OTUD7A: variants seen among roughly 807,000 people sequenced by gnomAD.
The protein encoded by OTUD7A is OTU domain-containing protein 7A.
A neutral mutation model predicts 65.7 loss-of-function variants in OTUD7A; 12 were observed. The ratio of observed to expected loss-of-function variants is 0.18; its 90% CI spans 0.12 to 0.30. The LOEUF is 0.30. Among genes scored for constraint, OTUD7A ranks in the 10% least tolerant of loss-of-function variants. The pLI, the probability that OTUD7A is intolerant of heterozygous loss-of-function variation, is 1.00. For synonymous variants in OTUD7A, 641 were observed against 586.3 expected, an observed-to-expected ratio of 1.09 and a Z score of -1.35; for missense variants, 1,148 against 1,304.8, an observed-to-expected ratio of 0.88 and a Z score of 1.85.
intron 1 of OTUD7A, among the ~76,000 whole-genome samples, chr15:31,840,610 G>A (rs955548921): frequency 6.6e-6 from 1 of 152,070 alleles, no homozygotes; most frequent in African/African-American, 2.4e-5. Flanking sequence ...CTGTTTTTCG[G>A]TCTTTTTTTC....
intron 1 of OTUD7A, among the ~76,000 whole-genome samples, chr15:31,821,743 T>A (rs12912419): frequency 0.94 from 142,477 of 152,248 alleles, 67,392 homozygotes; most frequent in East Asian, 1. Context: ...AAACATACAT[T>A]TGATAGTTCC....
chr15:31,552,347 C>T lies in OTUD7A; in HGVS notation c.550+6622G>A, dbSNP rs148425006. Among the ~76,000 whole-genome samples the T allele has an allele frequency of 7.2e-5, 11 of 152,204 alleles. No individual in the cohort carries two copies. In the East Asian group the frequency reaches 2.1e-3, roughly 29 times the overall value. On this transcript the variant is annotated intron_variant, in intron 5 of 12. Coordinates refer to ENST00000307050, the MANE Select transcript of OTUD7A (RefSeq NM_001382637.1). ...GCTATGACAATAGGATTTGAGACAC[C>T]ACAGGTGCTCAATGTTTACTAATGA...
intron 1 of OTUD7A, among the ~76,000 whole-genome samples, chr15:31,834,707 CAACTT>C (rs1318800802): frequency 2.0e-5 from 3 of 152,188 alleles, no homozygotes; most frequent in Non-Finnish European, 4.4e-5. Flanking sequence ...TGATGGTTGA[CAACTT>C]AAGTAAAGCA....
At chr15:31,540,037 G>A (rs999546079) in intron 5 of OTUD7A, among the ~76,000 whole-genome samples, 2 of 152,148 alleles carry the variant, frequency 1.3e-5, no homozygotes, top group East Asian at 3.8e-4. Context: ...TATTTTGGGC[G>A]AATCTAACTA....
intron 1 of OTUD7A, among the ~76,000 whole-genome samples, chr15:31,816,739 A>G (rs1385376402): frequency 6.6e-6 from 1 of 152,016 alleles, no homozygotes; most frequent in Non-Finnish European, 1.5e-5. Flanking sequence ...GACATTTACT[A>G]CTTAAAAGAA....
intron 1 of OTUD7A, among the ~76,000 whole-genome samples, chr15:31,823,979 C>T (rs561908485): frequency 6.6e-6 from 1 of 152,316 alleles, no homozygotes; most frequent in Non-Finnish European, 1.5e-5. Context: ...ATTCATAATG[C>T]ATCTTTATAC....
At chr15:31,550,546 A>G (rs1888288130) in intron 5 of OTUD7A, among the ~76,000 whole-genome samples, 1 of 152,124 alleles carries the variant, frequency 6.6e-6, no homozygotes, top group Admixed American at 6.5e-5. Context: ...AAGGAACTAA[A>G]TTCTGCCAAC....
chr15:31,850,731 T>C (rs1436275726), intron 1 of OTUD7A, among the ~76,000 whole-genome samples: 30 of 152,038 alleles, frequency 2.0e-4, no homozygotes, highest in Admixed American at 1.8e-3. Flanking sequence ...TTCAGAAGGT[T>C]CTCACCTCAG....
intron 4 of OTUD7A, among the ~76,000 whole-genome samples, chr15:31,566,195 GAA>G (rs67409184): frequency 0.45 from 47,486 of 105,944 alleles, 10,342 homozygotes; most frequent in African/African-American, 0.69. Context: ...CATCTCAAAA[GAA>G]AAAAAAAAAA....
At chr15:31,832,261 C>G (rs1424029000) in intron 1 of OTUD7A, among the ~76,000 whole-genome samples, 1 of 152,168 alleles carries the variant, frequency 6.6e-6, no homozygotes, top group Non-Finnish European at 1.5e-5. Context: ...AGAAAACCTA[C>G]AGGGGTTCTT....
chr15:31,602,217 C>A (rs564257720), intron 3 of OTUD7A, among the ~76,000 whole-genome samples: 2 of 152,270 alleles, frequency 1.3e-5, no homozygotes, highest in African/African-American at 4.8e-5. Context: ...AAAATACTGG[C>A]AAACCGAATC....
intron 1 of OTUD7A, among the ~76,000 whole-genome samples, chr15:31,751,240 TA>T (rs1894626059): frequency 6.6e-6 from 1 of 151,978 alleles, no homozygotes; most frequent in South Asian, 2.1e-4. Context: ...ACAACCTCAT[TA>T]AACAGTGGGT....
intron 3 of OTUD7A, among the ~76,000 whole-genome samples, chr15:31,603,677 A>G (rs185325231): frequency 1.2e-3 from 178 of 152,330 alleles, no homozygotes; most frequent in African/African-American, 4.1e-3. Flanking sequence ...ATGGGAGAAC[A>G]TTTTTGTAAT....
intron 3 of OTUD7A, among the ~76,000 whole-genome samples, chr15:31,599,287 G>C (rs999836076): frequency 6.6e-6 from 1 of 152,190 alleles, no homozygotes; most frequent in African/African-American, 2.4e-5. Flanking sequence ...ATGCCCCTCT[G>C]GGAGGAAGCT....
chr15:31,575,822 A>AG (rs1889187241), intron 3 of OTUD7A, among the ~76,000 whole-genome samples: 1 of 152,202 alleles, frequency 6.6e-6, no homozygotes, highest in Non-Finnish European at 1.5e-5. Flanking sequence ...CACAAGCGGG[A>AG]GGCAGAGAGC....
At chr15:31,843,237 T>C (rs1372894547) in intron 1 of OTUD7A, among the ~76,000 whole-genome samples, 1 of 151,662 alleles carries the variant, frequency 6.6e-6, no homozygotes, top group Non-Finnish European at 1.5e-5. Context: ...TGGGGGAATT[T>C]CTCTTAGAAG....
At chr15:31,492,300 C>T (rs1394589887) in intron 10 of OTUD7A, among the ~76,000 whole-genome samples, 1 of 152,052 alleles carries the variant, frequency 6.6e-6, no homozygotes, top group East Asian at 1.9e-4. Context: ...TTAATTAGAC[C>T]AGGTGTGGTG....
chr15:31,717,245 A>G (rs1893614495), intron 1 of OTUD7A, among the ~76,000 whole-genome samples: 1 of 152,188 alleles, frequency 6.6e-6, no homozygotes, highest in Admixed American at 6.5e-5. Flanking sequence ...TTTCTTTTAA[A>G]AAATTTTTAT....
intron 1 of OTUD7A, among the ~76,000 whole-genome samples, chr15:31,671,487 T>C (rs1892483034): frequency 6.6e-6 from 1 of 152,218 alleles, no homozygotes; most frequent in African/African-American, 2.4e-5. Context: ...TAGTTTGAAG[T>C]TGGGTAGTGA....
Sources: gnomAD v4.1 joint callset for allele counts (sites outside exome capture counted in the v4.1 genomes callset) on GRCh38, gnomAD v4.1.1 for gene constraint, MANE v1.5 for transcripts, NCBI Gene and HGNC (gene_info 2026-07-23, HGNC 2026-07-21) for gene names.